Variants in SLC71A2 observed in about 807,000 individuals in gnomAD.
SLC71A2 encodes solute carrier family 71 member 2.
At chr9:94,423,870 A>G in the SLC71A2 span, among the ~76,000 whole-genome samples, 1 of 152,130 alleles carries the variant, frequency 6.6e-6, no homozygotes, top group African/African-American at 2.4e-5. Context: ...TTTTAATTGA[A>G]TTTAAGTTTT....
the SLC71A2 span, among the ~76,000 whole-genome samples, chr9:94,390,146 G>A: frequency 2.6e-5 from 4 of 152,048 alleles, no homozygotes; most frequent in African/African-American, 7.2e-5. Flanking sequence ...CCCAGGAGGC[G>A]GAGCTTGCAG....
chr9:94,390,137 C>A, the SLC71A2 span, among the ~76,000 whole-genome samples: 1 of 152,074 alleles, frequency 6.6e-6, no homozygotes, highest in Non-Finnish European at 1.5e-5. Flanking sequence ...TGGCGTGAAC[C>A]CAGGAGGCGG....
chr9:94,418,072 A>G, the SLC71A2 span, among the ~76,000 whole-genome samples: 1 of 152,118 alleles, frequency 6.6e-6, no homozygotes, highest in Non-Finnish European at 1.5e-5. Flanking sequence ...CATGTTGGCC[A>G]GGCTGGTCTC....
At chr9:94,381,487 A>G in the SLC71A2 span, among the ~76,000 whole-genome samples, 1 of 152,034 alleles carries the variant, frequency 6.6e-6, no homozygotes, top group Non-Finnish European at 1.5e-5. Context: ...ACTGAGTAGT[A>G]GTCCATTTGT....
the SLC71A2 span, among the ~76,000 whole-genome samples, chr9:94,445,823 G>A: frequency 4.6e-5 from 7 of 152,164 alleles, no homozygotes; most frequent in South Asian, 6.2e-4. Flanking sequence ...TCTGCTTTTC[G>A]TCCCCCAAGT....
chr9:94,402,172 T>A, the SLC71A2 span, among the ~76,000 whole-genome samples: 1 of 152,180 alleles, frequency 6.6e-6, no homozygotes, highest in Non-Finnish European at 1.5e-5. Context: ...TAGAATTCCT[T>A]AACTGTCTGG....
chr9:94,452,647 TCATATATA>T, the SLC71A2 span, among the ~76,000 whole-genome samples: 21,870 of 93,878 alleles, frequency 0.23, 1,860 homozygotes, highest in Middle Eastern at 0.33. Flanking sequence ...ATATATATAT[TCATATATA>T]TTCATATATA....
At chr9:94,406,769 G>A in the SLC71A2 span, among the ~76,000 whole-genome samples, 21 of 152,186 alleles carry the variant, frequency 1.4e-4, no homozygotes. Context: ...TTGTAACTTT[G>A]TTAAATTCAT....
the SLC71A2 span, among the ~76,000 whole-genome samples, chr9:94,390,603 G>C: frequency 1.3e-5 from 2 of 152,252 alleles, no homozygotes; most frequent in African/African-American, 4.8e-5. Context: ...TATGATATGC[G>C]TGCCTGAGGA....
At chr9:94,417,376 C>A in the SLC71A2 span, among the ~76,000 whole-genome samples, 1 of 152,104 alleles carries the variant, frequency 6.6e-6, no homozygotes, top group Admixed American at 6.5e-5. Flanking sequence ...GCCTGTAATC[C>A]CAGCACTTCG....
At chr9:94,394,048 A>T in the SLC71A2 span, among the ~76,000 whole-genome samples, 1 of 148,968 alleles carries the variant, frequency 6.7e-6, no homozygotes, top group East Asian at 2.0e-4. Flanking sequence ...CCACAAAAAA[A>T]TAAAAAAAAA....
At chr9:94,441,094 G>T in the SLC71A2 span, 1 of 1,549,798 alleles carries the variant, frequency 6.5e-7, no homozygotes. Context: ...TACAGCTTAT[G>T]GATGGGTAAG....
the SLC71A2 span, among the ~76,000 whole-genome samples, chr9:94,414,589 T>C: frequency 6.6e-6 from 1 of 152,284 alleles, no homozygotes; most frequent in South Asian, 2.1e-4. Flanking sequence ...GGAAACTTAG[T>C]TTCTTGAAGA....
chr9:94,386,338 G>A, the SLC71A2 span, among the ~76,000 whole-genome samples: 2 of 150,808 alleles, frequency 1.3e-5, no homozygotes, highest in African/African-American at 2.4e-5. Context: ...GCAGTGCTCA[G>A]TGTAGGACTA....
chr9:94,454,690 AAT>A, the SLC71A2 span, among the ~76,000 whole-genome samples: 1 of 152,082 alleles, frequency 6.6e-6, no homozygotes, highest in South Asian at 2.1e-4. Flanking sequence ...AGAGACATTG[AAT>A]ATAGTCAAAA....
At chr9:94,389,449 TA>T in the SLC71A2 span, among the ~76,000 whole-genome samples, 45 of 151,508 alleles carry the variant, frequency 3.0e-4, no homozygotes, top group Non-Finnish European at 6.0e-4. Flanking sequence ...TATATATATA[TA>T]TTTTTTTCAG....
the SLC71A2 span, among the ~76,000 whole-genome samples, chr9:94,428,039 C>A: frequency 3.9e-4 from 60 of 152,028 alleles, 1 homozygote; most frequent in East Asian, 0.011. Flanking sequence ...AGGAGAATCG[C>A]TTGAACCTGA....
chr9:94,394,889 A>G, the SLC71A2 span, among the ~76,000 whole-genome samples: 16 of 143,502 alleles, frequency 1.1e-4, no homozygotes, highest in East Asian at 2.1e-4. Context: ...AGAAATGACT[A>G]TGAGTCTTGT....
At chr9:94,379,471 C>T in the SLC71A2 span, among the ~76,000 whole-genome samples, 1 of 143,220 alleles carries the variant, frequency 7.0e-6, no homozygotes, top group Admixed American at 7.0e-5. Context: ...CTTGCTGTAA[C>T]CTTAAACTCC....
Sources: gnomAD v4.1 joint callset for allele counts (sites outside exome capture counted in the v4.1 genomes callset) on GRCh38, gnomAD v4.1.1 for gene constraint, MANE v1.5 for transcripts, NCBI Gene and HGNC (gene_info 2026-07-23, HGNC 2026-07-21) for gene names.